PRKCB: variants seen among roughly 807,000 people sequenced by gnomAD.
PRKCB encodes protein kinase C beta, also known as protein kinase C beta type.
Under a neutral mutation model 81.5 loss-of-function variants are expected in PRKCB, and 13 were observed. The ratio of observed to expected loss-of-function variants is 0.16; its 90% CI spans 0.10 to 0.25. The LOEUF (loss-of-function observed/expected upper bound fraction) is 0.25. Among genes scored for constraint, PRKCB ranks in the 10% least tolerant of loss-of-function variants. The probability of loss-of-function intolerance (pLI) is 1.00; values close to 1 mark genes in which losing one functional copy is unlikely to be tolerated. For synonymous variants in PRKCB, 335 were observed against 321.4 expected, an observed-to-expected ratio of 1.04 and a Z score of -0.45; for missense variants, 509 against 875.7, an observed-to-expected ratio of 0.58 and a Z score of 5.29.
chr16:24,149,001 G>C (rs1381887549), intron 9 of PRKCB, among the ~76,000 whole-genome samples: 1 of 152,198 alleles, frequency 6.6e-6, no homozygotes, highest in Non-Finnish European at 1.5e-5. Context: ...TGTGGGTCAG[G>C]AGATTGGGAA....
At position 24,193,455 on chromosome 16, in the gene PRKCB, A is replaced by ATAAATAAATAAAT. The variant is rs1170391218; in HGVS notation, c.1863+2226_1863+2238dup. Among the ~76,000 whole-genome samples the ATAAATAAATAAAT allele has an allele frequency of 2.9e-3, 173 of 59,182 alleles. 7 individuals are homozygous for ATAAATAAATAAAT. Among genetic ancestry groups the ATAAATAAATAAAT allele is most frequent in the African/African-American group, 0.019 (168 of 8,916 alleles). The allele number at this position is 59,182 out of a possible 152,430, so 38.8% of individuals were successfully genotyped here. On this transcript the variant is annotated intron_variant, in intron 16 of 16. Transcript: ENST00000643927. Reference sequence around the variant, plus strand: ...GTGAGACTCCATCTCAAATAAATAAATAAATAAATAAATAAATAAATAAAT... The same window carrying ATAAATAAATAAAT: ...GTGAGACTCCATCTCAAATAAATAAATAAATAAATAAATTAAATAAATAAATAAATAAATAAAT...
intron 8 of PRKCB, among the ~76,000 whole-genome samples, chr16:24,122,335 C>T (rs1596557567): frequency 6.6e-6 from 1 of 151,040 alleles, no homozygotes; most frequent in Non-Finnish European, 1.5e-5. Flanking sequence ...TGGCCTTTGG[C>T]TTTTACTTTG....
At chr16:24,004,454 C>A (rs911548889) in intron 3 of PRKCB, among the ~76,000 whole-genome samples, 3 of 107,638 alleles carry the variant, frequency 2.8e-5, no homozygotes, top group East Asian at 2.8e-4. Flanking sequence ...CCAGCCTGGG[C>A]AACATGGCGA....
At chr16:24,178,066 A>G (rs1967561579) in intron 12 of PRKCB, among the ~76,000 whole-genome samples, 1 of 152,244 alleles carries the variant, frequency 6.6e-6, no homozygotes, top group Non-Finnish European at 1.5e-5. Context: ...TTAAGATGTT[A>G]CAAATCACTA....
chr16:24,139,203 G>A (rs1258605969), intron 9 of PRKCB, among the ~76,000 whole-genome samples: 1 of 147,508 alleles, frequency 6.8e-6, no homozygotes, highest in Non-Finnish European at 1.5e-5. Context: ...TAAGGATAAG[G>A]TGCTCCAAGT....
At chr16:23,883,764 A>T (rs1240878133) in intron 2 of PRKCB, among the ~76,000 whole-genome samples, 1 of 152,168 alleles carries the variant, frequency 6.6e-6, no homozygotes, top group Non-Finnish European at 1.5e-5. Context: ...GGCACCTGGT[A>T]CACTTTACAT....
rs1555481664 is a variant in PRKCB at position 23,882,008 on chromosome 16, T to TTCTTTCTCTTTCTTTCTTTCTTTC, written c.205+44609_205+44610insCTTTCTTTCTTTCTTTCTCTTTCT. On this transcript the variant is annotated intron_variant, in intron 2 of 16. Coordinates refer to ENST00000643927, the MANE Select transcript of PRKCB (RefSeq NM_002738.7). ...TTTCTTTCTTTCTTTCTTTCTTTCT[T>TTCTTTCTCTTTCTTTCTTTCTTTC]TCTTTCTTTCTTTCTTCCTTCCTTC... 3.8e-4 allele frequency among the ~76,000 whole-genome samples: 37 copies of TTCTTTCTCTTTCTTTCTTTCTTTC among 97,900 alleles called. 1 individual carries two copies. Among genetic ancestry groups the TTCTTTCTCTTTCTTTCTTTCTTTC allele is most frequent in the South Asian group, 7.8e-4 (2 of 2,580 alleles). 64.2% of individuals were successfully genotyped at this position (97,900 alleles called of 152,430 possible).
intron 10 of PRKCB, among the ~76,000 whole-genome samples, chr16:24,171,006 T>A (rs940127811): frequency 3.3e-5 from 5 of 152,274 alleles, no homozygotes; most frequent in Admixed American, 3.3e-4. Context: ...CCTAGATTAC[T>A]GTTTTTCAAA....
At chr16:24,143,700 G>A (rs1966942030) in intron 9 of PRKCB, among the ~76,000 whole-genome samples, 1 of 152,202 alleles carries the variant, frequency 6.6e-6, no homozygotes, top group South Asian at 2.1e-4. Flanking sequence ...ATTTACAGAA[G>A]ACTCACTTGT....
intron 2 of PRKCB, among the ~76,000 whole-genome samples, chr16:23,934,913 C>A (rs954982632): frequency 3.9e-5 from 6 of 152,172 alleles, no homozygotes; most frequent in African/African-American, 1.4e-4. Flanking sequence ...AAACGGAATT[C>A]TTACTTCTTG....
At chr16:24,163,163 A>T (rs1022046922) in intron 10 of PRKCB, among the ~76,000 whole-genome samples, 4 of 152,122 alleles carry the variant, frequency 2.6e-5, no homozygotes, top group Non-Finnish European at 5.9e-5. Flanking sequence ...GTTGCTACTA[A>T]CTCACTAGGA....
At chr16:24,147,886 T>C (rs1201615123) in intron 9 of PRKCB, among the ~76,000 whole-genome samples, 1 of 152,202 alleles carries the variant, frequency 6.6e-6, no homozygotes, top group Non-Finnish European at 1.5e-5. Context: ...TCAGTGGGCA[T>C]GTACATGGTT....
At chr16:23,890,671 T>C (rs968075865) in intron 2 of PRKCB, among the ~76,000 whole-genome samples, 2 of 152,166 alleles carry the variant, frequency 1.3e-5, no homozygotes, top group African/African-American at 4.8e-5. Context: ...GATACCCTCA[T>C]TGACTCTTTC....
At chr16:24,090,394 G>T (rs941213271) in intron 5 of PRKCB, among the ~76,000 whole-genome samples, 1 of 152,176 alleles carries the variant, frequency 6.6e-6, no homozygotes, top group Non-Finnish European at 1.5e-5. Flanking sequence ...TTTTAGGGAA[G>T]TCAGTCTTAT....
At chr16:24,202,030 C>G (rs1227995509) in intron 16 of PRKCB, among the ~76,000 whole-genome samples, 1 of 134,744 alleles carries the variant, frequency 7.4e-6, no homozygotes, top group Non-Finnish European at 1.6e-5. Context: ...AGCGAGACTC[C>G]GTCTCAAAAA....
At chr16:23,892,581 T>G (rs1179914434) in intron 2 of PRKCB, among the ~76,000 whole-genome samples, 3 of 152,370 alleles carry the variant, frequency 2.0e-5, no homozygotes, top group Non-Finnish European at 4.4e-5. Flanking sequence ...AGCACTTGCA[T>G]TCCCATTTAT....
At chr16:23,923,497 C>T (rs374020313) in intron 2 of PRKCB, among the ~76,000 whole-genome samples, 15 of 152,164 alleles carry the variant, frequency 9.9e-5, no homozygotes, top group African/African-American at 1.9e-4. Flanking sequence ...CTTGGAGTTC[C>T]GGATGGAATT....
Position 24,192,526 on chromosome 16 carries a change from A to G in PRKCB, c.1863+1296A>G, listed in dbSNP as rs186599163. On this transcript the variant is annotated intron_variant, in intron 16 of 16. Transcript: ENST00000643927. ...AACAGGGAACTCAGAGGTGAGATGC[A>G]TAACTCATATGGTTTTTGTGGGGTT... 1.6e-3 allele frequency among the ~76,000 whole-genome samples: 243 copies of G among 152,346 alleles called. 1 individual carries two copies. Among genetic ancestry groups the G allele is most frequent in the Non-Finnish European group, 2.6e-3 (179 of 68,034 alleles).
chr16:24,175,222 G>A (rs1471647843), intron 12 of PRKCB, among the ~76,000 whole-genome samples: 2 of 152,242 alleles, frequency 1.3e-5, no homozygotes, highest in East Asian at 3.9e-4. Flanking sequence ...CATAGCCAGG[G>A]CAGGCTTGGG....
Sources: allele counts gnomAD v4.1 joint callset (sites outside exome capture counted in the v4.1 genomes callset), GRCh38; gene constraint gnomAD v4.1.1; transcripts MANE v1.5; gene names NCBI Gene and HGNC (gene_info 2026-07-23, HGNC 2026-07-21).